Variants in ATP9B observed in about 807,000 individuals in gnomAD.
The protein encoded by ATP9B is ATPase phospholipid transporting 9B.
ATP9B carries 110 observed loss-of-function variants against 146.1 expected under a neutral mutation model. The ratio of observed to expected loss-of-function variants is 0.75; its 90% confidence interval spans 0.65 to 0.88. ATP9B has a LOEUF of 0.88. ATP9B is among the 40% of genes least tolerant of loss of function. The pLI is 0.00. For missense variants in ATP9B, 1,499 were observed against 1,496.4 expected (o/e 1.00, Z -0.03); for synonymous variants, 604 against 569.7 (o/e 1.06, Z -0.86).
rs1252288336 is a variant in ATP9B at position 79,342,354 on chromosome 18, T to C, written c.2370T>C (p.His790=). 1 of 1,611,686 alleles carries C rather than the reference T, an allele frequency of 6.2e-7. No homozygotes were observed. The highest frequency in any genetic ancestry group is 2.2e-5 in the East Asian group (1 of 44,836). The part of the protein sequence containing the change: ...SHLVSRTQDI[H]IFRQVTSRGE... Reference sequence around the variant, plus strand: ...TCGTGTCTAGAACACAAGATATTCATATTTTCAGACAGGTAAGTATGTATC... The same window carrying C: ...TCGTGTCTAGAACACAAGATATTCACATTTTCAGACAGGTAAGTATGTATC... The change falls in exon 20 of 30, where the codon CAT becomes CAC. Residue 790 remains histidine (H), a synonymous_variant. Transcript: ENST00000426216.
At chr18:79,335,886 G>A (rs1600135649) in intron 17 of ATP9B, among the ~76,000 whole-genome samples, 1 of 152,242 alleles carries the variant, frequency 6.6e-6, no homozygotes, top group Non-Finnish European at 1.5e-5. Flanking sequence ...CACAAAGTCT[G>A]TGGCAGAAAC....
chr18:79,251,250 T>G (rs2096020298), intron 11 of ATP9B, among the ~76,000 whole-genome samples: 1 of 152,224 alleles, frequency 6.6e-6, no homozygotes. Context: ...ATCCCGTCTG[T>G]GTTGGTCATG....
intron 11 of ATP9B, among the ~76,000 whole-genome samples, chr18:79,251,204 T>C (rs1003374148): frequency 3.3e-5 from 5 of 152,314 alleles, no homozygotes; most frequent in African/African-American, 1.2e-4. Context: ...GCAGGACAGA[T>C]CACAGGAGGG....
chr18:79,350,916 G>T (rs1182116169), intron 25 of ATP9B, among the ~76,000 whole-genome samples: 1 of 151,976 alleles, frequency 6.6e-6, no homozygotes, highest in Non-Finnish European at 1.5e-5. Flanking sequence ...TTGCAGGCAT[G>T]TGCTACCACG....
At chr18:79,189,842 A>G (rs867091748) in intron 8 of ATP9B, among the ~76,000 whole-genome samples, 4 of 152,276 alleles carry the variant, frequency 2.6e-5, no homozygotes, top group Non-Finnish European at 4.4e-5. Context: ...TTCCAGCATC[A>G]CTAGAAGCAC....
chr18:79,269,299 T>G (rs991522003), intron 12 of ATP9B, among the ~76,000 whole-genome samples: 1 of 152,226 alleles, frequency 6.6e-6, no homozygotes, highest in African/African-American at 2.4e-5. Context: ...CTTTTTTTGC[T>G]TGCATGCTTC....
chr18:79,073,609 C>T (rs376082464), intron 1 of ATP9B, among the ~76,000 whole-genome samples: 3 of 151,958 alleles, frequency 2.0e-5, no homozygotes, highest in Non-Finnish European at 2.9e-5. Flanking sequence ...AGAGGGAGAC[C>T]GTGGAAAGCG....
At chr18:79,228,445 T>G (rs2095757013) in intron 11 of ATP9B, among the ~76,000 whole-genome samples, 1 of 152,228 alleles carries the variant, frequency 6.6e-6, no homozygotes, top group African/African-American at 2.4e-5. Flanking sequence ...TGCATTGCCT[T>G]CCTTTCTAAA....
chr18:79,363,745 G>A (rs2097006787), intron 26 of ATP9B: 1 of 152,256 alleles, frequency 6.6e-6, no homozygotes. Flanking sequence ...TTCATGGTTT[G>A]AGAGACGTAA....
intron 11 of ATP9B, among the ~76,000 whole-genome samples, chr18:79,241,330 C>G (rs1342973810): frequency 6.6e-6 from 1 of 152,030 alleles, no homozygotes; most frequent in Admixed American, 6.6e-5. Flanking sequence ...GCCTCGCTAC[C>G]TAGGGTGATA....
At chr18:79,255,717 G>A (rs8086942) in intron 12 of ATP9B, among the ~76,000 whole-genome samples, 22,791 of 152,182 alleles carry the variant, frequency 0.15, 1,784 homozygotes, top group Admixed American at 0.2. Flanking sequence ...TCTGACGAAT[G>A]GGGTCGAGTC....
At chr18:79,204,244 G>A (rs1164435135) in intron 9 of ATP9B, among the ~76,000 whole-genome samples, 1 of 152,192 alleles carries the variant, frequency 6.6e-6, no homozygotes, top group Non-Finnish European at 1.5e-5. Flanking sequence ...ATGTTCTTCT[G>A]TGTTTTAAAG....
At chr18:79,317,265 T>A (rs1338731051) in intron 15 of ATP9B, among the ~76,000 whole-genome samples, 2 of 152,032 alleles carry the variant, frequency 1.3e-5, no homozygotes, top group African/African-American at 4.8e-5. Context: ...ATAAATTGAA[T>A]ATCAGAGTAA....
chr18:79,181,104 T>C (rs1243285142), intron 8 of ATP9B, among the ~76,000 whole-genome samples: 6 of 152,158 alleles, frequency 3.9e-5, no homozygotes, highest in Admixed American at 3.9e-4. Context: ...GCCATCACGC[T>C]GGGCCTATTT....
intron 1 of ATP9B, among the ~76,000 whole-genome samples, chr18:79,092,995 T>C (rs1379673420): frequency 6.6e-6 from 1 of 152,222 alleles, no homozygotes; most frequent in East Asian, 1.9e-4. Context: ...TCGACTTTTA[T>C]ATGAATGACT....
chr18:79,248,007 T>C (rs1454162776), intron 11 of ATP9B, among the ~76,000 whole-genome samples: 1 of 152,212 alleles, frequency 6.6e-6, no homozygotes, highest in Admixed American at 6.5e-5. Flanking sequence ...ATTGTTGTGC[T>C]GATACTTATT....
intron 14 of ATP9B, among the ~76,000 whole-genome samples, chr18:79,306,025 G>A (rs753497156): frequency 1.1e-4 from 17 of 152,210 alleles, no homozygotes; most frequent in Non-Finnish European, 2.4e-4. Flanking sequence ...TTGCTGTCTC[G>A]CAGCAGCGTG....
chr18:79,245,788 C>T (rs1238541391), intron 11 of ATP9B, among the ~76,000 whole-genome samples: 1 of 147,616 alleles, frequency 6.8e-6, no homozygotes, highest in African/African-American at 2.5e-5. Flanking sequence ...GAGGGCACCA[C>T]CCTACTGACT....
intron 13 of ATP9B, among the ~76,000 whole-genome samples, chr18:79,288,075 G>A (rs559841998): frequency 0.056 from 8,552 of 151,948 alleles, 329 homozygotes; most frequent in Non-Finnish European, 0.081. Context: ...GTGTGGTGCT[G>A]AAAAATATGT....
Sources: gnomAD v4.1 joint callset for allele counts (sites outside exome capture counted in the v4.1 genomes callset) on GRCh38, gnomAD v4.1.1 for gene constraint, MANE v1.5 for transcripts, NCBI Gene and HGNC (gene_info 2026-07-23, HGNC 2026-07-21) for gene names.